The following GMEB1 variants were observed in gnomAD, a reference collection of about 807,000 sequenced individuals.
GMEB1 encodes glucocorticoid modulatory element-binding protein 1.
GMEB1 carries 6 observed loss-of-function variants against 52.4 expected under a neutral mutation model. That is an observed-to-expected ratio of 0.11 (90% CI 0.06 to 0.23). The LOEUF (loss-of-function observed/expected upper bound fraction) is 0.23. GMEB1 is among the 10% of genes least tolerant of loss of function. The pLI is 1.00. For missense variants in GMEB1, 486 were observed against 685.6 expected (o/e 0.71, Z 3.25); for synonymous variants, 255 against 244.9 (o/e 1.04, Z -0.38).
At chr1:28,669,508 G>T (rs991394071) in intron 1 of GMEB1, among the ~76,000 whole-genome samples, 2 of 152,066 alleles carry the variant, frequency 1.3e-5, no homozygotes, top group Non-Finnish European at 2.9e-5. Context: ...CGCGGTAGAG[G>T]CCTCGGCCAC....
chr1:28,696,117 G>T (rs1052566426), intron 5 of GMEB1, among the ~76,000 whole-genome samples: 1 of 151,116 alleles, frequency 6.6e-6, no homozygotes, highest in African/African-American at 2.4e-5. Flanking sequence ...ACCCAGGCTG[G>T]AGTGCAGTGG....
At chr1:28,710,668 C>A in intron 9 of GMEB1, 26 bp downstream of exon 9, 2 of 1,464,974 alleles carry the variant, frequency 1.4e-6, no homozygotes, top group Non-Finnish European at 1.8e-6. Context: ...CGCTCTTCTT[C>A]GGTGATATCA....
chr1:28,695,167 A>G (rs563259807), intron 5 of GMEB1, among the ~76,000 whole-genome samples: 1 of 150,706 alleles, frequency 6.6e-6, no homozygotes, highest in Middle Eastern at 3.5e-3. Flanking sequence ...GGGTTTCACC[A>G]TGTTGGCCAG....
intron 2 of GMEB1, chr1:28,689,859 T>A (rs1266101468): frequency 2.6e-6 from 1 of 378,464 alleles, no homozygotes; most frequent in Non-Finnish European, 4.7e-6. Context: ...TATAAATAAA[T>A]AAGTAGCAAA....
Position 28,693,541 on chromosome 1 carries a change from G to A in GMEB1, c.440+496G>A, listed in dbSNP as rs548941233. 2.0e-5 allele frequency among the ~76,000 whole-genome samples: 3 copies of A among 151,690 alleles called. No individual in the cohort carries two copies. The South Asian group carries it at 6.2e-4, about 32-fold the overall frequency. ...CTCTTGTTTGTTTGTTTTTGAGACA[G>A]AGTCTTGCCCTGTCACCCAGGCTGG... On this transcript the variant is annotated intron_variant, in intron 5 of 9. Coordinates refer to ENST00000373816, the MANE Select transcript of GMEB1 (RefSeq NM_001319674.2).
At chr1:28,703,772 G>T (rs1411328603) in intron 7 of GMEB1, among the ~76,000 whole-genome samples, 1 of 151,916 alleles carries the variant, frequency 6.6e-6, no homozygotes, top group Non-Finnish European at 1.5e-5. Flanking sequence ...TTAAGTATAG[G>T]ACTAGAGAGA....
intron 1 of GMEB1, among the ~76,000 whole-genome samples, chr1:28,671,798 A>T (rs993984690): frequency 6.6e-6 from 1 of 151,962 alleles, no homozygotes; most frequent in African/African-American, 2.4e-5. Flanking sequence ...ACAGTCTTCA[A>T]AAGTTATAAT....
At chr1:28,684,423 C>T (rs1208398903) in intron 2 of GMEB1, among the ~76,000 whole-genome samples, 2 of 151,774 alleles carry the variant, frequency 1.3e-5, no homozygotes, top group South Asian at 2.1e-4. Context: ...ATTAGCTGGG[C>T]GTGGTAGCAG....
rs1321557003 is a variant in GMEB1 at position 28,719,025 on chromosome 1, A to AG, written c.*4253dup. On this transcript the variant is annotated 3_prime_UTR_variant, in exon 10 of 10. Transcript: ENST00000373816. ...TGCTTCTGCCTGCAAAGCAAGGCAG[A>AG]GTCAGCAACATGGGCAGTCTCCCCA... 6.6e-6 allele frequency: 1 copy of AG among 152,204 alleles called. No individual in the cohort carries two copies. Among genetic ancestry groups the AG allele is most frequent in the African/African-American group, 2.4e-5 (1 of 41,462 alleles). The allele number at this position is 152,204 out of a possible 1,614,324, so 9.4% of individuals were successfully genotyped here.
Position 28,714,098 on chromosome 1 carries a change from G to C in GMEB1, c.1017G>C (p.Gln339His), listed in dbSNP as rs1469750696. 1 of 1,611,336 alleles carries C rather than the reference G, an allele frequency of 6.2e-7. No homozygotes were observed. Among genetic ancestry groups the C allele is most frequent in the Non-Finnish European group, 8.5e-7 (1 of 1,177,738 alleles). Residue 339 changes from glutamine (Q) to histidine (H), a missense_variant, in exon 10 of 10, where the codon CAG (glutamine) becomes CAC (histidine). Gln to His is a conservative substitution (Grantham distance 24). This residue lies in a region of GMEB1 where 200 missense variants were observed against 253.5 expected (regional missense o/e 0.79). Coordinates refer to ENST00000373816, the MANE Select transcript of GMEB1 (RefSeq NM_001319674.2). ...ACTTGGAACGCCAGTTGGAGGAGCA[G>C]AAGAAGCAAGGCCAGGATCACAGGC... Reference protein sequence around the residue: ...LTDLERQLEEQKKQGQDHRLK... With the variant: ...LTDLERQLEEHKKQGQDHRLK...
intron 9 of GMEB1, among the ~76,000 whole-genome samples, chr1:28,713,383 G>A (rs998647746): frequency 6.6e-6 from 1 of 152,182 alleles, no homozygotes; most frequent in Non-Finnish European, 1.5e-5. Flanking sequence ...TGGTCACCTA[G>A]GGTTGGACTG....
chr1:28,710,537 A>T lies in GMEB1; in HGVS notation c.886A>T (p.Asn296Tyr). 1 of 1,607,716 alleles carries T rather than the reference A, an allele frequency of 6.2e-7. No individual in the cohort carries two copies. The highest frequency in any genetic ancestry group is 2.2e-5 in the East Asian group (1 of 44,628). Residue 296 changes from asparagine to tyrosine, a missense_variant, in exon 9 of 10, where the codon AAT becomes TAT. By Grantham distance (143) the Asn-to-Tyr change is moderately radical. This residue lies in a region of GMEB1 where 200 missense variants were observed against 253.5 expected (regional missense o/e 0.79). Coordinates refer to ENST00000373816, the MANE Select transcript of GMEB1 (RefSeq NM_001319674.2). ...FQVTDAAVLN[N>Y]VAHTFGLMDT... is the part of the protein sequence containing the mutation. Reference sequence around the variant, plus strand: ...TTAAATAGATGCTGCTGTTCTCAACAATGTAGCACACACATTTGGCCTAAT... The same window carrying T: ...TTAAATAGATGCTGCTGTTCTCAACTATGTAGCACACACATTTGGCCTAAT...
Position 28,686,632 on chromosome 1 carries a change from A to AAG in GMEB1, c.128+2893_128+2894insGA, listed in dbSNP as rs1669658995. On this transcript the variant is annotated intron_variant, in intron 2 of 9. Coordinates refer to ENST00000373816, the MANE Select transcript of GMEB1 (RefSeq NM_001319674.2). Reference sequence around the variant, plus strand: ...TGACAGAGTGAGATTCTGTCTCAAAAAAAAAAAAAAAAAAAGGACATTATT... The same window carrying AAG: ...TGACAGAGTGAGATTCTGTCTCAAAAAGAAAAAAAAAAAAAAAGGACATTATT... Among the ~76,000 whole-genome samples, 3 of 151,060 alleles carry AAG rather than the reference A, an allele frequency of 2.0e-5. No homozygotes were observed. The South Asian group carries it at 6.3e-4, about 31-fold the overall frequency.
In GMEB1 at chr1:28,716,749, G is replaced by C. The variant is rs979199910; in HGVS notation, c.*1976G>C. 1 of 150,146 alleles carries C rather than the reference G, an allele frequency of 6.7e-6. No homozygotes were observed. The highest frequency in any genetic ancestry group is 1.5e-5 in the Non-Finnish European group (1 of 67,638). The allele number at this position is 150,146 out of a possible 1,614,324, so 9.3% of individuals were successfully genotyped here. On this transcript the variant is annotated 3_prime_UTR_variant, in exon 10 of 10. Transcript: ENST00000373816. ...TGTCAATAATAATGCTTTGGGGGGGGGGGTTATTTTGTTTTGTTTTGTTTT... is the reference window on the plus strand; with the variant it reads ...TGTCAATAATAATGCTTTGGGGGGGCGGGTTATTTTGTTTTGTTTTGTTTT...
chr1:28,705,206 T>C (rs112931805), intron 8 of GMEB1, among the ~76,000 whole-genome samples: 12,693 of 149,626 alleles, frequency 0.085, 751 homozygotes, highest in Non-Finnish European at 0.12. Context: ...CTGGCCAACA[T>C]GGTGAAAACC....
intron 9 of GMEB1, among the ~76,000 whole-genome samples, chr1:28,710,855 C>T (rs1251646577): frequency 6.6e-6 from 1 of 151,888 alleles, no homozygotes; most frequent in Non-Finnish European, 1.5e-5. Context: ...TCATAGTCCC[C>T]CTTCTGTGTC....
At position 28,678,942 on chromosome 1, in the gene GMEB1, C is replaced by T. The variant is rs569632333; in HGVS notation, c.-30-4641C>T. On this transcript the variant is annotated intron_variant, in intron 1 of 9. Coordinates refer to ENST00000373816, the MANE Select transcript of GMEB1 (RefSeq NM_001319674.2). ...GTTTTGTTTTTTTGAGACGGAGTCT[C>T]GCTCTGTCGCCAGGCTGGAGTGCAG... is the stretch of plus-strand genomic sequence containing the variant. Among the ~76,000 whole-genome samples, 27 of 152,096 alleles carry T rather than the reference C, an allele frequency of 1.8e-4. 2 individuals are homozygous for T. In the South Asian group the frequency reaches 5.0e-3, roughly 28 times the overall value.
In GMEB1 at chr1:28,714,738, G is replaced by A. The variant is rs1381625900; in HGVS notation, c.1657G>A (p.Val553Ile). The change falls in exon 10 of 10, where the codon GTT becomes ATT. Residue 553 changes from valine (V) to isoleucine (I), a missense_variant. Val to Ile is a conservative substitution (Grantham distance 29). This residue lies in a region of GMEB1 where 153 missense variants were observed against 200.8 expected (regional missense o/e 0.76). Coordinates refer to ENST00000373816, the MANE Select transcript of GMEB1 (RefSeq NM_001319674.2). ...TGAGATGGAAGAACACCAGCATCAA[G>A]TTCACAATGTGGAGATTGTGGTCTT... Reference protein sequence around the residue: ...VAEMEEHQHQVHNVEIVVLED With the variant: ...VAEMEEHQHQIHNVEIVVLED 6.2e-7 allele frequency: 1 copy of A among 1,613,946 alleles called. No homozygotes were observed. The highest frequency in any genetic ancestry group is 8.5e-7 in the Non-Finnish European group (1 of 1,179,832).
intron 6 of GMEB1, 79 bp downstream of exon 6, chr1:28,697,163 A>G: frequency 1.5e-4 from 2 of 13,590 alleles, no homozygotes; most frequent in Non-Finnish European, 1.6e-4. Context: ...TTGTGTGTAC[A>G]TATATATATA....
Sources: gnomAD v4.1 joint callset for allele counts (sites outside exome capture counted in the v4.1 genomes callset) on GRCh38, gnomAD v4.1.1 for gene constraint, gnomAD v4.1.1 regional missense constraint, MANE v1.5 for transcripts, NCBI Gene and HGNC (gene_info 2026-07-23, HGNC 2026-07-21) for gene names.